The following GALNT17 variants were observed in gnomAD, a reference collection of about 807,000 sequenced individuals.
The protein encoded by GALNT17 is UDP-GalNAc:polypeptide N-acetylgalactosaminyltransferase-like 3.
GALNT17 carries 29 observed loss-of-function variants against 63.7 expected under a neutral mutation model. The ratio of observed to expected loss-of-function variants is 0.46; its 90% CI spans 0.34 to 0.62. The LOEUF is 0.62. Ranked by LOEUF, GALNT17 falls within the 20% of genes least tolerant of loss-of-function variation. The pLI is 0.01. For synonymous variants in GALNT17, 305 were observed against 318.3 expected (o/e 0.96, Z 0.45); for missense variants, 603 against 799.6 (o/e 0.75, Z 2.97).
intron 1 of GALNT17, among the ~76,000 whole-genome samples, chr7:71,171,207 C>T (rs1012586267): frequency 1.3e-5 from 2 of 152,176 alleles, no homozygotes; most frequent in Non-Finnish European, 2.9e-5. Flanking sequence ...GTGAAGTTAG[C>T]TATTATAGAA....
chr7:71,210,566 T>C (rs1789357132), intron 1 of GALNT17, among the ~76,000 whole-genome samples: 1 of 152,194 alleles, frequency 6.6e-6, no homozygotes, highest in East Asian at 1.9e-4. Context: ...AGTAGAATAT[T>C]ATAATTTAAC....
intron 1 of GALNT17, among the ~76,000 whole-genome samples, chr7:71,330,169 C>T (rs1040302131): frequency 1.3e-5 from 2 of 151,912 alleles, no homozygotes; most frequent in Non-Finnish European, 2.9e-5. Context: ...CACACCACCA[C>T]ACCCGGTTAA....
chr7:71,509,456 C>T (rs1349873328), intron 5 of GALNT17, among the ~76,000 whole-genome samples: 2 of 152,196 alleles, frequency 1.3e-5, no homozygotes, highest in Non-Finnish European at 2.9e-5. Context: ...TTGTGCTCAG[C>T]CCCATTCTGG....
intron 5 of GALNT17, among the ~76,000 whole-genome samples, chr7:71,570,035 A>G (rs897223183): frequency 6.0e-5 from 9 of 150,526 alleles, no homozygotes; most frequent in African/African-American, 1.9e-4. Context: ...CACCTTGCCA[A>G]CATCTGGTGG....
chr7:71,297,224 G>T (rs1359277760), intron 1 of GALNT17, among the ~76,000 whole-genome samples: 1 of 152,178 alleles, frequency 6.6e-6, no homozygotes, highest in Non-Finnish European at 1.5e-5. Flanking sequence ...CTAGGGCACA[G>T]TCTCAAAGCT....
intron 2 of GALNT17, among the ~76,000 whole-genome samples, chr7:71,382,790 G>A (rs1429353912): frequency 1.3e-5 from 2 of 152,184 alleles, no homozygotes; most frequent in African/African-American, 4.8e-5. Flanking sequence ...GCAGGGGCAG[G>A]ATGGGGAGGT....
At chr7:71,291,696 C>T (rs1790982541) in intron 1 of GALNT17, among the ~76,000 whole-genome samples, 1 of 152,120 alleles carries the variant, frequency 6.6e-6, no homozygotes, top group Admixed American at 6.6e-5. Flanking sequence ...CCAATCGTAT[C>T]ACTGGATCTA....
chr7:71,571,468 C>A, intron 6 of GALNT17, 66 bp downstream of exon 6: 1 of 1,341,304 alleles, frequency 7.5e-7, no homozygotes, highest in Non-Finnish European at 1.1e-6. Flanking sequence ...CTTGGTCATC[C>A]GTGGGGTGTA....
At chr7:71,705,893 T>G (rs1258522608) in intron 9 of GALNT17, among the ~76,000 whole-genome samples, 1 of 152,078 alleles carries the variant, frequency 6.6e-6, no homozygotes, top group East Asian at 1.9e-4. Flanking sequence ...CTACTGAACG[T>G]GCAGAGGACA....
chr7:71,583,608 G>A (rs879815430), intron 6 of GALNT17, among the ~76,000 whole-genome samples: 9 of 152,080 alleles, frequency 5.9e-5, no homozygotes, highest in East Asian at 1.9e-4. Flanking sequence ...CAGATTCCCT[G>A]GCATTAGATA....
chr7:71,648,552 C>A (rs1790713581), intron 6 of GALNT17, among the ~76,000 whole-genome samples: 1 of 152,096 alleles, frequency 6.6e-6, no homozygotes, highest in South Asian at 2.1e-4. Context: ...GGATGACAGG[C>A]ATGAGCCACT....
At chr7:71,298,120 A>C (rs1279304182) in intron 1 of GALNT17, among the ~76,000 whole-genome samples, 2 of 152,182 alleles carry the variant, frequency 1.3e-5, no homozygotes, top group Non-Finnish European at 2.9e-5. Context: ...TCCCAAGCTT[A>C]AGTGATTCTC....
rs148762532 is a variant in GALNT17 at position 71,665,530 on chromosome 7, C to T, written c.1200C>T (p.Arg400=). The T allele has an allele frequency of 1.5e-5, 25 of 1,613,894 alleles. No individual in the cohort carries two copies. Among genetic ancestry groups the T allele is most frequent in the Admixed American group, 1.0e-4 (6 of 59,974 alleles). ...IGFYTKRNAL[R]VAEVWMDDYK... ...TCTACACCAAGAGGAATGCTCTTCG[C>T]GTTGCTGAGGTCTGGATGGACGATT... The change falls in exon 7 of 11, where the codon CGC becomes CGT. Residue 400 remains arginine, a synonymous_variant. Transcript: ENST00000333538.
intron 9 of GALNT17, among the ~76,000 whole-genome samples, chr7:71,689,429 G>C (rs1455475792): frequency 1.3e-5 from 2 of 152,170 alleles, no homozygotes; most frequent in Non-Finnish European, 2.9e-5. Flanking sequence ...TGTTCATAGG[G>C]AGTCAGTTTT....
intron 1 of GALNT17, among the ~76,000 whole-genome samples, chr7:71,137,947 G>C (rs1023159220): frequency 6.6e-5 from 10 of 152,152 alleles, no homozygotes; most frequent in African/African-American, 2.2e-4. Flanking sequence ...TGACCAGAAG[G>C]CTTACTGGTA....
chr7:71,484,091 C>T (rs1787867659), intron 5 of GALNT17, among the ~76,000 whole-genome samples: 1 of 152,144 alleles, frequency 6.6e-6, no homozygotes, highest in African/African-American at 2.4e-5. Context: ...GGCTGTTTTA[C>T]AGTTACTTTT....
In GALNT17 at chr7:71,438,226, G is replaced by A. The variant is rs572735418; in HGVS notation, c.962+17121G>A. Among the ~76,000 whole-genome samples the A allele has an allele frequency of 3.2e-4, 49 of 152,318 alleles. 1 individual carries two copies. The highest frequency in any genetic ancestry group is 1.1e-3 in the African/African-American group (45 of 41,566). On this transcript the variant is annotated intron_variant, in intron 5 of 10. Transcript: ENST00000333538. Reference sequence around the variant, plus strand: ...CAATAGGCTGTCTGCAAGCTGGGGAGCAAGGAAGCCAGTCCAAGTTCCAAA... The same window carrying A: ...CAATAGGCTGTCTGCAAGCTGGGGAACAAGGAAGCCAGTCCAAGTTCCAAA...
intron 1 of GALNT17, among the ~76,000 whole-genome samples, chr7:71,226,614 G>A (rs1354228583): frequency 6.6e-6 from 1 of 152,014 alleles, no homozygotes; most frequent in Non-Finnish European, 1.5e-5. Context: ...AAAGTAGCTG[G>A]GATTACAGGT....
chr7:71,173,918 A>C (rs1308818769), intron 1 of GALNT17, among the ~76,000 whole-genome samples: 1 of 152,220 alleles, frequency 6.6e-6, no homozygotes, highest in Admixed American at 6.5e-5. Flanking sequence ...AGTTGAATGC[A>C]TGAGTCTGTT....
Sources: allele counts gnomAD v4.1 joint callset (sites outside exome capture counted in the v4.1 genomes callset), GRCh38; gene constraint gnomAD v4.1.1; transcripts MANE v1.5; gene names NCBI Gene and HGNC (gene_info 2026-07-23, HGNC 2026-07-21).